The following GUCY2F variants were observed in gnomAD, a reference collection of about 807,000 sequenced individuals.
GUCY2F encodes retinal guanylyl cyclase 2.
A neutral mutation model predicts 73.1 loss-of-function variants in GUCY2F; 61 were observed. The observed-to-expected ratio is 0.83, with a 90% CI of 0.68 to 1.03. The LOEUF (loss-of-function observed/expected upper bound fraction) is 1.03. Ranked by LOEUF, GUCY2F falls within the 50% of genes least tolerant of loss-of-function variation. The pLI is 0.00. For synonymous variants in GUCY2F, 331 were observed against 307.8 expected, an observed-to-expected ratio of 1.08 and a Z score of -0.79; for missense variants, 912 against 854.3, an observed-to-expected ratio of 1.07 and a Z score of -0.84.
intron 17 of GUCY2F, among the ~76,000 whole-genome samples, chrX:109,381,704 G>T (rs1334956220): frequency 9.0e-6 from 1 of 111,706 alleles, no homozygotes; most frequent in Non-Finnish European, 1.9e-5. Context: ...ACCCAGGAAG[G>T]GTGGCCACTG....
intron 10 of GUCY2F, among the ~76,000 whole-genome samples, chrX:109,399,579 C>T (rs992815659): frequency 1.8e-5 from 2 of 111,054 alleles, no homozygotes; most frequent in East Asian, 5.6e-4. Context: ...AATAGAAATA[C>T]AGTACTCAAA....
At chrX:109,476,863 G>A (rs1000635967) in intron 1 of GUCY2F, among the ~76,000 whole-genome samples, 1 of 110,745 alleles carries the variant, frequency 9.0e-6, no homozygotes, top group African/African-American at 3.3e-5. Context: ...GTATGTGTGT[G>A]TGTGTATACA....
chrX:109,404,435 G>T lies in GUCY2F; in HGVS notation c.2018C>A (p.Ser673Tyr). Residue 673 changes from serine to tyrosine, a missense_variant, in exon 10 of 20, where the codon TCT becomes TAT. Transcript: ENST00000218006. ...HREFVHGRLKSRNCVVDGRFV... is the reference protein window; with the variant it reads ...HREFVHGRLKYRNCVVDGRFV... ...ACGCCCATCTACCACACAGTTTCGA[G>T]ACTTTAGCCTCCCATGAACAAACTC... 2.5e-6 allele frequency: 3 copies of T among 1,191,908 alleles called. No homozygotes were observed. The highest frequency in any genetic ancestry group is 3.4e-6 in the Non-Finnish European group (3 of 877,685).
chrX:109,373,914 C>T (rs1930117387), intron 19 of GUCY2F, among the ~76,000 whole-genome samples: 1 of 111,818 alleles, frequency 8.9e-6, no homozygotes, highest in Admixed American at 9.4e-5. Context: ...GCTTCAGAGG[C>T]AGCCCCTGTA....
intron 10 of GUCY2F, among the ~76,000 whole-genome samples, chrX:109,402,071 G>A (rs929993774): frequency 9.0e-6 from 1 of 111,575 alleles, no homozygotes; most frequent in Non-Finnish European, 1.9e-5. Context: ...GAAGCCATTC[G>A]ATAGATTTAG....
At chrX:109,383,249 T>A (rs1367242645) in intron 16 of GUCY2F, 1 of 147,310 alleles carries the variant, frequency 6.8e-6, no homozygotes, top group Non-Finnish European at 1.2e-5. Context: ...GCCAGTATAT[T>A]CCTAGCCAGT....
At chrX:109,400,989 G>A (rs1238719692) in intron 10 of GUCY2F, among the ~76,000 whole-genome samples, 4 of 111,837 alleles carry the variant, frequency 3.6e-5, no homozygotes, top group African/African-American at 1.3e-4. Context: ...GCACAAGATG[G>A]AAAAAGAGGG....
intron 7 of GUCY2F, among the ~76,000 whole-genome samples, chrX:109,433,161 T>G (rs1329801980): frequency 8.9e-6 from 1 of 112,184 alleles, no homozygotes; most frequent in Non-Finnish European, 1.9e-5. Context: ...CTCGCAGTCC[T>G]GACTCTGCCT....
At chrX:109,444,817 T>C (rs748682954) in intron 6 of GUCY2F, among the ~76,000 whole-genome samples, 2 of 112,170 alleles carry the variant, frequency 1.8e-5, no homozygotes, top group Non-Finnish European at 3.8e-5. Context: ...TGACAGATCT[T>C]AAAACTTTTA....
intron 13 of GUCY2F, 64 bp downstream of exon 13, chrX:109,392,827 TC>T: frequency 1.4e-6 from 1 of 730,995 alleles, no homozygotes; most frequent in Non-Finnish European, 2.0e-6. Context: ...TTTTTCTTTC[TC>T]TTTTTTTTTT....
intron 3 of GUCY2F, among the ~76,000 whole-genome samples, chrX:109,459,604 A>G (rs2147279810): frequency 8.9e-6 from 1 of 111,833 alleles, no homozygotes; most frequent in Non-Finnish European, 1.9e-5. Flanking sequence ...TTCATGCTTA[A>G]TGGTGAGAAT....
At chrX:109,379,465 A>G (rs1466792598) in intron 17 of GUCY2F, among the ~76,000 whole-genome samples, 2 of 112,707 alleles carry the variant, frequency 1.8e-5, no homozygotes, top group African/African-American at 3.2e-5. Flanking sequence ...TTAATAAATC[A>G]TAACATCACT....
At position 109,397,709 on chromosome X, in the gene GUCY2F, C is replaced by T. The variant is rs180924315; in HGVS notation, c.2275+840G>A. On this transcript the variant is annotated intron_variant, in intron 11 of 19. Coordinates refer to ENST00000218006, the MANE Select transcript of GUCY2F (RefSeq NM_001522.3). ...TTGTGTCTTTGTCTCTTTCAGTCTG[C>T]GATAGTTCATCATTCTTTTCCTGTC... is the stretch of plus-strand genomic sequence containing the variant. Among the ~76,000 whole-genome samples, 33 of 112,073 alleles carry T rather than the reference C, an allele frequency of 2.9e-4. No homozygotes were observed. In the East Asian group the frequency reaches 3.4e-3, roughly 11 times the overall value.
rs771847070 is a variant in GUCY2F, at chrX:109,453,597, C to T, written c.1295G>A (p.Arg432His). 8 of 1,207,775 alleles carry T rather than the reference C, an allele frequency of 6.6e-6. No individual in the cohort carries two copies. The highest frequency in any genetic ancestry group is 3.0e-5 in the East Asian group (1 of 33,791). ...GAAGTGAATAGGGGTCCCTCCGAAA[C>T]GTAGCAGCTCCATTTCCATGTCCAC... ...YTVDMEMELL[R>H]FGGTPIHFPG... Residue 432 changes from arginine to histidine, a missense_variant, in exon 4 of 20, where the codon CGT becomes CAT. Physicochemically the swap from Arg to His is conservative, Grantham distance 29. Transcript: ENST00000218006.
chrX:109,458,444 A>G (rs1050744109), intron 3 of GUCY2F, among the ~76,000 whole-genome samples: 3 of 111,607 alleles, frequency 2.7e-5, no homozygotes, highest in Non-Finnish European at 5.7e-5. Context: ...TATGTAAACG[A>G]CCTGGTACAG....
At chrX:109,395,818 C>T (rs1361731586) in intron 11 of GUCY2F, among the ~76,000 whole-genome samples, 1 of 111,485 alleles carries the variant, frequency 9.0e-6, no homozygotes, top group Non-Finnish European at 1.9e-5. Context: ...CTCACCCATC[C>T]CCAATCATCT....
chrX:109,427,252 T>G (rs1931510220), intron 8 of GUCY2F, among the ~76,000 whole-genome samples: 1 of 112,158 alleles, frequency 8.9e-6, no homozygotes, highest in Non-Finnish European at 1.9e-5. Flanking sequence ...TTTCCTTCTC[T>G]TCACATTTCT....
intron 8 of GUCY2F, among the ~76,000 whole-genome samples, chrX:109,413,672 T>C (rs1931168177): frequency 9.0e-6 from 1 of 110,964 alleles, no homozygotes; most frequent in Non-Finnish European, 1.9e-5. Flanking sequence ...TCCCAAAGTG[T>C]AACACGACAC....
chrX:109,455,361 T>A (rs1932236632), intron 3 of GUCY2F, among the ~76,000 whole-genome samples: 2 of 111,955 alleles, frequency 1.8e-5, no homozygotes, highest in South Asian at 7.4e-4. Flanking sequence ...GAATCATGAA[T>A]GTCTAAACTT....
Sources: allele counts gnomAD v4.1 joint callset (sites outside exome capture counted in the v4.1 genomes callset), GRCh38; gene constraint gnomAD v4.1.1; transcripts MANE v1.5; gene names NCBI Gene and HGNC (gene_info 2026-07-23, HGNC 2026-07-21).